The following LRMDA variants were observed in gnomAD, a reference collection of about 807,000 sequenced individuals.
LRMDA encodes the protein leucine-rich melanocyte differentiation-associated protein.
In LRMDA, 18 loss-of-function variants were observed where a neutral mutation model predicts 29.8. The ratio of observed to expected loss-of-function variants is 0.60; its 90% confidence interval spans 0.42 to 0.90. LRMDA has a LOEUF of 0.90. Ranked by LOEUF, LRMDA falls within the 40% of genes least tolerant of loss-of-function variation. The probability of loss-of-function intolerance (pLI) is 0.00; values close to 1 mark genes in which losing one functional copy is unlikely to be tolerated. For missense variants in LRMDA, 273 were observed against 273.9 expected (o/e 1.00, Z 0.02); for synonymous variants, 125 against 109.4 (o/e 1.14, Z -0.89).
At chr10:75,594,590 G>A (rs1840763551) in intron 2 of LRMDA, among the ~76,000 whole-genome samples, 2 of 152,128 alleles carry the variant, frequency 1.3e-5, no homozygotes, top group Admixed American at 1.3e-4. Context: ...ACTCTCAATG[G>A]GCCAGTGTAG....
chr10:76,463,483 G>A lies in LRMDA; in HGVS notation c.602-93726G>A, dbSNP rs553669824. On this transcript the variant is annotated intron_variant, in intron 6 of 6. Transcript: ENST00000611255. ...GATAGACTCCCTTGTAGCAGCAGGT[G>A]GATTGGCAACAGGATTCAGTGTGAT... Among the ~76,000 whole-genome samples the A allele has an allele frequency of 3.9e-5, 6 of 152,286 alleles. No homozygotes were observed. In the South Asian group the frequency reaches 1.0e-3, roughly 26 times the overall value.
At chr10:75,756,131 T>A (rs1843029343) in intron 2 of LRMDA, among the ~76,000 whole-genome samples, 1 of 152,250 alleles carries the variant, frequency 6.6e-6, no homozygotes, top group African/African-American at 2.4e-5. Flanking sequence ...GACTTCTGTT[T>A]GCTTACCATA....
chr10:76,520,177 T>C (rs1054222773), intron 6 of LRMDA, among the ~76,000 whole-genome samples: 1 of 152,136 alleles, frequency 6.6e-6, no homozygotes, highest in African/African-American at 2.4e-5. Flanking sequence ...TCCTCACTGA[T>C]AGAAAATATC....
intron 2 of LRMDA, among the ~76,000 whole-genome samples, chr10:75,788,736 C>G (rs549448753): frequency 6.6e-6 from 1 of 152,332 alleles, no homozygotes; most frequent in Non-Finnish European, 1.5e-5. Flanking sequence ...TAATTTTTAA[C>G]TTGGTGCATT....
chr10:75,659,362 T>G (rs1226374695), intron 2 of LRMDA, among the ~76,000 whole-genome samples: 1 of 151,340 alleles, frequency 6.6e-6, no homozygotes, highest in East Asian at 1.9e-4. Context: ...CTTTCCTCTC[T>G]TTTTTTTTCT....
chr10:75,911,508 C>T (rs1278776001), intron 2 of LRMDA, among the ~76,000 whole-genome samples: 2 of 152,182 alleles, frequency 1.3e-5, no homozygotes, highest in Non-Finnish European at 2.9e-5. Flanking sequence ...TACATTTTCT[C>T]AAGAGACTGT....
chr10:76,250,195 G>A (rs375472393), intron 5 of LRMDA, among the ~76,000 whole-genome samples: 1 of 152,278 alleles, frequency 6.6e-6, no homozygotes. Flanking sequence ...GAAGGGGAGA[G>A]GGAAGGTGCA....
At position 76,145,375 on chromosome 10, in the gene LRMDA, T is replaced by A. The variant is rs571938764; in HGVS notation, c.516+86592T>A. ...TATTGCCTCAATTTCAGAGCCTGTT[T>A]TTGGTCTATTAAGAGATTCAACTTC... On this transcript the variant is annotated intron_variant, in intron 5 of 6. Coordinates refer to ENST00000611255, the MANE Select transcript of LRMDA (RefSeq NM_001305581.2). Among the ~76,000 whole-genome samples the A allele has an allele frequency of 5.3e-5, 8 of 152,088 alleles. No homozygotes were observed. In the South Asian group the frequency reaches 1.2e-3, roughly 24 times the overall value.
At chr10:75,549,442 T>C (rs1046304427) in intron 2 of LRMDA, among the ~76,000 whole-genome samples, 1 of 152,020 alleles carries the variant, frequency 6.6e-6, no homozygotes, top group Non-Finnish European at 1.5e-5. Context: ...GTATTTAAAT[T>C]TGTTTTTAAT....
chr10:76,557,661 C>T lies in LRMDA; in HGVS notation c.*373C>T, dbSNP rs2579763. The T allele has an allele frequency of 0.85, 194,010 of 229,066 alleles. 85,563 individuals are homozygous for T. Among genetic ancestry groups the T allele is most frequent in the Non-Finnish European group, 0.97 (112,734 of 116,666 alleles). 14.2% of individuals were successfully genotyped at this position (229,066 alleles called of 1,614,324 possible). ...CCTCCCTGGACATGCTCAGTGGCTG[C>T]AGTCAAGTGAGAAAGACTGTCCTCA... On this transcript the variant is annotated 3_prime_UTR_variant, in exon 7 of 7. Coordinates refer to ENST00000611255, the MANE Select transcript of LRMDA (RefSeq NM_001305581.2).
intron 2 of LRMDA, among the ~76,000 whole-genome samples, chr10:75,750,869 T>C (rs1290555828): frequency 3.2e-5 from 4 of 126,618 alleles, no homozygotes; most frequent in African/African-American, 9.0e-5. Context: ...ACATCCCAGA[T>C]GATGGGCGGC....
At chr10:75,840,793 C>A (rs1308683951) in intron 2 of LRMDA, among the ~76,000 whole-genome samples, 1 of 152,176 alleles carries the variant, frequency 6.6e-6, no homozygotes, top group East Asian at 1.9e-4. Context: ...TCCTGAATAC[C>A]CTAAGGCAGA....
intron 2 of LRMDA, among the ~76,000 whole-genome samples, chr10:75,498,378 G>A (rs929338991): frequency 2.0e-5 from 3 of 152,216 alleles, no homozygotes; most frequent in Non-Finnish European, 4.4e-5. Context: ...TGCAGGAAGG[G>A]TGCTCCACGG....
chr10:76,096,295 A>G (rs1589325069), intron 5 of LRMDA, among the ~76,000 whole-genome samples: 1 of 152,094 alleles, frequency 6.6e-6, no homozygotes, highest in African/African-American at 2.4e-5. Context: ...TTACTTGTAT[A>G]TGGTGCCAGG....
chr10:75,784,727 G>C (rs1843444235), intron 2 of LRMDA, among the ~76,000 whole-genome samples: 1 of 151,044 alleles, frequency 6.6e-6, no homozygotes, highest in Non-Finnish European at 1.5e-5. Flanking sequence ...AAGAAACAAA[G>C]GTAGATAATG....
At position 76,559,938 on chromosome 10, in the gene LRMDA, A is replaced by G. The variant is rs983931013; in HGVS notation, c.*2650A>G. On this transcript the variant is annotated 3_prime_UTR_variant, in exon 7 of 7. Coordinates refer to ENST00000611255, the MANE Select transcript of LRMDA (RefSeq NM_001305581.2). ...CTAAGTAACATAATTTTAAAGAACAATTTGTTCCTCAGGGAATAATGTCTT... is the reference window on the plus strand; with the variant it reads ...CTAAGTAACATAATTTTAAAGAACAGTTTGTTCCTCAGGGAATAATGTCTT... The G allele has an allele frequency of 3.3e-5, 5 of 152,218 alleles. No homozygotes were observed. The highest frequency in any genetic ancestry group is 6.5e-5 in the Admixed American group (1 of 15,292). The allele number at this position is 152,218 out of a possible 1,614,324, so 9.4% of individuals were successfully genotyped here.
intron 5 of LRMDA, among the ~76,000 whole-genome samples, chr10:76,176,910 C>T (rs930496174): frequency 6.6e-6 from 1 of 152,188 alleles, no homozygotes; most frequent in African/African-American, 2.4e-5. Context: ...TCACGTAATA[C>T]CTGTTTCTTC....
chr10:76,141,272 A>G (rs1850194481), intron 5 of LRMDA, among the ~76,000 whole-genome samples: 1 of 152,088 alleles, frequency 6.6e-6, no homozygotes, highest in South Asian at 2.1e-4. Context: ...AACTAAGAAC[A>G]TGAAGGGTGG....
chr10:76,292,853 A>G (rs1564713757), intron 5 of LRMDA, among the ~76,000 whole-genome samples: 5 of 152,236 alleles, frequency 3.3e-5, no homozygotes, highest in African/African-American at 1.2e-4. Flanking sequence ...TGCCATAGAC[A>G]TGGCTAAACA....
Sources: allele counts gnomAD v4.1 joint callset (sites outside exome capture counted in the v4.1 genomes callset), GRCh38; gene constraint gnomAD v4.1.1; transcripts MANE v1.5; gene names NCBI Gene and HGNC (gene_info 2026-07-23, HGNC 2026-07-21).